The following CACNA1C variants were observed in gnomAD, a reference collection of about 807,000 sequenced individuals.
CACNA1C encodes the protein voltage-dependent L-type calcium channel subunit alpha-1C.
A neutral mutation model predicts 229.0 loss-of-function variants in CACNA1C; 30 were observed. The ratio of observed to expected loss-of-function variants is 0.13; its 90% CI spans 0.10 to 0.18. The LOEUF is 0.18. Ranked by LOEUF, CACNA1C falls within the 10% of genes least tolerant of loss-of-function variation. The probability of loss-of-function intolerance (pLI) is 1.00; values close to 1 mark genes in which losing one functional copy is unlikely to be tolerated. For synonymous variants in CACNA1C, 1,114 were observed against 1,132.5 expected, an observed-to-expected ratio of 0.98 and a Z score of 0.33; for missense variants, 1,658 against 2,845.0, an observed-to-expected ratio of 0.58 and a Z score of 9.49.
rs976163397 is a variant in CACNA1C, at chr12:2,512,757, G to A, written c.1218-55G>A. The A allele has an allele frequency of 8.8e-6, 12 of 1,364,030 alleles. No individual in the cohort carries two copies. The Admixed American group carries it at 1.1e-4, about 13-fold the overall frequency. 84.5% of individuals were successfully genotyped at this position (1,364,030 alleles called of 1,614,324 possible). A position where few individuals can be genotyped will look rare whatever the true frequency, so the allele number is the denominator to read the frequency against. ...CTCCTTCCATCCTCGACCCTTCTCG[G>A]TGCTCCCTCCTTCTCTGTGCTCTCC... On this transcript the variant is annotated intron_variant, in intron 8 of 46. Coordinates refer to ENST00000399655, the MANE Select transcript of CACNA1C (RefSeq NM_000719.7). The surrounding 1 kb of genome is among the most constrained non-coding windows in gnomAD (Gnocchi z 4.3).
chr12:2,395,337 G>T (rs1219888097), intron 3 of CACNA1C, among the ~76,000 whole-genome samples: 1 of 151,302 alleles, frequency 6.6e-6, no homozygotes, highest in Non-Finnish European at 1.5e-5. Context: ...CCCTGCCTCA[G>T]CCTCCCAAGT....
upstream of CACNA1C, among the ~76,000 whole-genome samples, chr12:2,050,173 C>A (rs7314026): frequency 0.033 from 5,054 of 152,200 alleles, 277 homozygotes; most frequent in African/African-American, 0.11. Context: ...CATCTCCCTG[C>A]AGCCCTGCCC....
chr12:2,125,430 T>C (rs1238761456), intron 3 of CACNA1C, among the ~76,000 whole-genome samples: 1 of 152,148 alleles, frequency 6.6e-6, no homozygotes, highest in Non-Finnish European at 1.5e-5. Context: ...CAGAGTGGGA[T>C]GCCCCAAATC....
At position 2,339,707 on chromosome 12, in the gene CACNA1C, G is replaced by C. The variant is rs548979067; in HGVS notation, c.478-109269G>C. Among the ~76,000 whole-genome samples, 12 of 152,260 alleles carry C rather than the reference G, an allele frequency of 7.9e-5. No homozygotes were observed. In the East Asian group the frequency reaches 1.7e-3, roughly 22 times the overall value. Reference sequence around the variant, plus strand: ...AACCTAGACCTACGCAGGTCATCAAGATGTCATGAGGTGATAGGAATTTTT... The same window carrying C: ...AACCTAGACCTACGCAGGTCATCAACATGTCATGAGGTGATAGGAATTTTT... On this transcript the variant is annotated intron_variant, in intron 3 of 46. Transcript: ENST00000399655.
At chr12:2,497,704 T>C (rs1461667175) in intron 7 of CACNA1C, among the ~76,000 whole-genome samples, 3 of 151,722 alleles carry the variant, frequency 2.0e-5, no homozygotes, top group Non-Finnish European at 4.4e-5. Flanking sequence ...GTTCTTCGAC[T>C]GATTTTTTTT....
chr12:2,097,215 G>A (rs867836610), intron 1 of CACNA1C, among the ~76,000 whole-genome samples: 16 of 151,934 alleles, frequency 1.1e-4, no homozygotes, highest in Admixed American at 9.2e-4. Context: ...GCGCGATCTC[G>A]GCTCACTGCA....
chr12:2,300,912 A>G (rs1182767967), intron 3 of CACNA1C, among the ~76,000 whole-genome samples: 1 of 152,180 alleles, frequency 6.6e-6, no homozygotes, highest in Non-Finnish European at 1.5e-5. Flanking sequence ...GGGTCCTGGG[A>G]CAAGAGTGAC....
chr12:2,591,122 A>G (rs1201077768), intron 18 of CACNA1C, among the ~76,000 whole-genome samples: 1 of 152,116 alleles, frequency 6.6e-6, no homozygotes, highest in East Asian at 1.9e-4. Context: ...AATCTGATTG[A>G]TGTCTGTATG....
chr12:2,148,056 A>G (rs772623545), intron 3 of CACNA1C, among the ~76,000 whole-genome samples: 13 of 151,272 alleles, frequency 8.6e-5, no homozygotes, highest in Non-Finnish European at 1.6e-4. Flanking sequence ...AAACCTGTCA[A>G]ATTTTTCAAA....
At chr12:2,472,753 T>C (rs1470719395) in intron 5 of CACNA1C, among the ~76,000 whole-genome samples, 2 of 152,346 alleles carry the variant, frequency 1.3e-5, no homozygotes, top group South Asian at 2.1e-4. Context: ...ATATGTCTAG[T>C]GATTTCTTTT....
intron 3 of CACNA1C, among the ~76,000 whole-genome samples, chr12:2,406,460 C>T (rs1290829090): frequency 6.6e-6 from 1 of 152,174 alleles, no homozygotes; most frequent in Non-Finnish European, 1.5e-5. Context: ...ATTTTCTCTC[C>T]ATTCCTTATA....
chr12:1,983,974 T>C (rs748960779), intron 1 of CACNA1C, among the ~76,000 whole-genome samples: 8 of 152,130 alleles, frequency 5.3e-5, no homozygotes, highest in Non-Finnish European at 1.0e-4. Context: ...TATATCATTA[T>C]GCAATGTCGT....
intron 5 of CACNA1C, among the ~76,000 whole-genome samples, chr12:2,477,911 C>T (rs1482057996): frequency 1.3e-5 from 2 of 151,908 alleles, no homozygotes; most frequent in Admixed American, 6.6e-5. Context: ...GGTGGGACAA[C>T]CTCGTAGAAA....
At chr12:2,454,793 A>G (rs1216883080) in intron 4 of CACNA1C, among the ~76,000 whole-genome samples, 1 of 152,100 alleles carries the variant, frequency 6.6e-6, no homozygotes, top group East Asian at 1.9e-4. Flanking sequence ...CTCTCGTCAC[A>G]CTTCCCGTCT....
At chr12:2,004,353 A>G in intron 1 of CACNA1C, 1 of 1,613,306 alleles carries the variant, frequency 6.2e-7, no homozygotes, top group Non-Finnish European at 8.5e-7. Context: ...CGGTTGATAT[A>G]GGGGTCGTGG....
intron 5 of CACNA1C, among the ~76,000 whole-genome samples, chr12:2,459,951 G>C (rs1420176422): frequency 6.6e-6 from 1 of 152,248 alleles, no homozygotes; most frequent in African/African-American, 2.4e-5. Context: ...TAAGAAAAGA[G>C]TATAACAGTC....
At chr12:2,318,711 C>T (rs922971756) in intron 3 of CACNA1C, among the ~76,000 whole-genome samples, 3 of 151,690 alleles carry the variant, frequency 2.0e-5, no homozygotes, top group Admixed American at 6.6e-5. Flanking sequence ...GTGTTGGGCA[C>T]GGACTAGGTA....
chr12:2,425,209 T>C (rs2099017937), intron 3 of CACNA1C, among the ~76,000 whole-genome samples: 1 of 152,266 alleles, frequency 6.6e-6, no homozygotes, highest in Admixed American at 6.5e-5. Context: ...TATAAGGTTA[T>C]TGGAAATGAT....
chr12:2,324,837 G>A (rs16929250), intron 3 of CACNA1C, among the ~76,000 whole-genome samples: 4,803 of 152,204 alleles, frequency 0.032, 172 homozygotes, highest in African/African-American at 0.082. Flanking sequence ...TGCTCTCCAT[G>A]TGATGAACTC....
Sources: allele counts gnomAD v4.1 joint callset (sites outside exome capture counted in the v4.1 genomes callset), GRCh38; gene constraint gnomAD v4.1.1; non-coding constraint Gnocchi (gnomAD v3.1); transcripts MANE v1.5; gene names NCBI Gene and HGNC (gene_info 2026-07-23, HGNC 2026-07-21).